RYR1: variants seen among roughly 807,000 people sequenced by gnomAD.
The protein encoded by RYR1 is central core disease of muscle.
In RYR1, 342 loss-of-function variants were observed where a neutral mutation model predicts 583.5. The ratio of observed to expected loss-of-function variants is 0.59; its 90% CI spans 0.54 to 0.64. RYR1 has a LOEUF of 0.64. Ranked by LOEUF, RYR1 falls within the 30% of genes least tolerant of loss-of-function variation. RYR1 has a pLI of 0.00. For missense variants in RYR1, 6,032 were observed against 6,917.2 expected, an observed-to-expected ratio of 0.87 and a Z score of 4.54; for synonymous variants, 2,791 against 2,822.5, an observed-to-expected ratio of 0.99 and a Z score of 0.35.
intron 66 of RYR1, 28 bp from the exon 67 acceptor site, chr19:38,519,186 G>A: frequency 1.2e-6 from 2 of 1,613,980 alleles, no homozygotes; most frequent in Non-Finnish European, 1.7e-6. Context: ...GGCCGGAGGT[G>A]GCATCAGAGC....
In RYR1 at chr19:38,446,495, C is replaced by T; in HGVS notation, c.655C>T (p.Leu219Phe). Reference protein sequence around the residue: ...EEGFVTGGHVLRLFHGHMDEC... With the variant: ...EEGFVTGGHVFRLFHGHMDEC... ...AGGCTTCGTGACGGGAGGTCACGTCCTCCGCCTCTTTCATGGACATATGGA... is the reference window on the plus strand; with the variant it reads ...AGGCTTCGTGACGGGAGGTCACGTCTTCCGCCTCTTTCATGGACATATGGA... The change falls in exon 8 of 106, where the codon CTC (leucine) becomes TTC (phenylalanine). Residue 219 changes from leucine (L) to phenylalanine (F), a missense_variant. Leu to Phe is a conservative substitution (Grantham distance 22, BLOSUM62 0). Around this residue, in one of 11 missense-constraint regions of RYR1, gnomAD observed 338 missense variants for 441.6 expected, o/e 0.77. Transcript: ENST00000359596. The T allele has an allele frequency of 6.2e-7, 1 of 1,614,150 alleles. No individual in the cohort carries two copies. The highest frequency in any genetic ancestry group is 8.5e-7 in the Non-Finnish European group (1 of 1,179,990).
chr19:38,511,777 C>G (rs1380181319), intron 61 of RYR1, among the ~76,000 whole-genome samples, 167 bp downstream of exon 61: 1 of 152,126 alleles, frequency 6.6e-6, no homozygotes, highest in Non-Finnish European at 1.5e-5. Context: ...ACTGAGATGC[C>G]CTGGGCCTGC....
intron 27 of RYR1, among the ~76,000 whole-genome samples, chr19:38,469,896 G>A (rs1358017723): frequency 6.6e-6 from 1 of 150,492 alleles, no homozygotes; most frequent in African/African-American, 2.5e-5. Context: ...GGGAGACCCC[G>A]TCTCTACAAA....
At chr19:38,478,985 C>T (rs1412478581) in intron 31 of RYR1, among the ~76,000 whole-genome samples, 2 of 152,164 alleles carry the variant, frequency 1.3e-5, no homozygotes, top group African/African-American at 2.4e-5. Context: ...CCAGGCTGGT[C>T]TCAAATTCCT....
rs748395946 is a variant in RYR1, at chr19:38,543,471, C to T, written c.11778+36C>T. 7.4e-6 allele frequency: 12 copies of T among 1,614,032 alleles called. No individual in the cohort carries two copies. The Admixed American group carries it at 8.3e-5, about 11-fold the overall frequency. The stretch of plus-strand genomic sequence containing the variant: ...GAGACGGTTCAGGTGTGACTTGGGT[C>T]GGGGGCTGCAGGGCCATGGTCGGCC... On this transcript the variant is annotated intron_variant, in intron 85 of 105. Transcript: ENST00000359596. This position sits in a 1 kb window ranked among gnomAD's most constrained non-coding sequence, Gnocchi z 4.4.
chr19:38,439,009 G>A (rs1235576834), intron 1 of RYR1, among the ~76,000 whole-genome samples: 1 of 151,966 alleles, frequency 6.6e-6, no homozygotes, highest in Non-Finnish European at 1.5e-5. Flanking sequence ...ACCGCGTCCA[G>A]CCAAGGCAGG....
In RYR1 at chr19:38,504,798, T is replaced by C. The variant is rs2960340; in HGVS notation, c.8118T>C (p.Ile2706=). 0.28 allele frequency: 455,962 copies of C among 1,613,646 alleles called. 68,870 individuals are homozygous for C. Among genetic ancestry groups the C allele is most frequent in the African/African-American group, 0.46 (34,540 of 74,842 alleles). The part of the protein sequence containing the change: ...YRMAMPCLCA[I]AGALPPDYVD... Reference sequence around the variant, plus strand: ...TGGCCATGCCTTGTCTGTGCGCCATTGCCGGGGCTCTGCCCCCCGACTATG... The same window carrying C: ...TGGCCATGCCTTGTCTGTGCGCCATCGCCGGGGCTCTGCCCCCCGACTATG... Residue 2706 remains isoleucine (I), a synonymous_variant, in exon 51 of 106, where the codon ATT becomes ATC. Transcript: ENST00000359596.
intron 49 of RYR1, 50 bp downstream of exon 49, chr19:38,503,020 TTTGCTC>T: frequency 6.3e-7 from 1 of 1,577,354 alleles, no homozygotes; most frequent in African/African-American, 1.3e-5. Context: ...CACCCACTGG[TTTGCTC>T]TTCCCTCCTA....
At chr19:38,552,357 C>T (rs543505761) in intron 89 of RYR1, among the ~76,000 whole-genome samples, 1 of 151,746 alleles carries the variant, frequency 6.6e-6, no homozygotes, top group Non-Finnish European at 1.5e-5. Context: ...TGGGTTCAAG[C>T]GATTCTTCTG....
At position 38,561,057 on chromosome 19, in the gene RYR1, AG is replaced by A. The variant is rs1328165603; in HGVS notation, c.12283-55del. On this transcript the variant is annotated intron_variant, in intron 89 of 105. Transcript: ENST00000359596. This position sits in a 1 kb window ranked among gnomAD's most constrained non-coding sequence, Gnocchi z 4.8. ...CCTTGTCTTAAAAAAAAAAAAAAAA[AG>A]AGAGAGAATTGAGGCTCTCCAGGTC... is the stretch of plus-strand genomic sequence containing the variant. 1.4e-4 allele frequency: 191 copies of A among 1,356,920 alleles called. No homozygotes were observed. The highest frequency in any genetic ancestry group is 2.3e-4 in the African/African-American group (15 of 64,008). 84.1% of individuals were successfully genotyped at this position (1,356,920 alleles called of 1,614,324 possible).
At chr19:38,575,667 G>C (rs1364112430) in intron 96 of RYR1, among the ~76,000 whole-genome samples, 1 of 152,216 alleles carries the variant, frequency 6.6e-6, no homozygotes, top group Non-Finnish European at 1.5e-5. Context: ...GCCGGGCGTG[G>C]TGGTGGGCGC....
chr19:38,466,489 A>C, intron 24 of RYR1, 91 bp downstream of exon 24: 3 of 1,207,626 alleles, frequency 2.5e-6, no homozygotes, highest in Non-Finnish European at 3.5e-6. Flanking sequence ...TCAGCCCCCA[A>C]ATGGGCTATA....
At chr19:38,492,669 G>C (rs747929827) in intron 38 of RYR1, 33 bp downstream of exon 38, 1 of 1,549,868 alleles carries the variant, frequency 6.5e-7, no homozygotes. Flanking sequence ...AGAGGGCAGG[G>C]GTGGGGTGGG....
chr19:38,457,714 C>T, intron 17 of RYR1, 84 bp downstream of exon 17: 1 of 1,440,842 alleles, frequency 6.9e-7, no homozygotes, highest in African/African-American at 1.4e-5. Context: ...AGATGGATGT[C>T]CTTTCCTTAA....
At position 38,483,237 on chromosome 19, in the gene RYR1, G is replaced by T. The variant is rs1289048323; in HGVS notation, c.4708-53G>T. 6.3e-7 allele frequency: 1 copy of T among 1,577,938 alleles called. No individual in the cohort carries two copies. Among genetic ancestry groups the T allele is most frequent in the Non-Finnish European group, 8.6e-7 (1 of 1,159,706 alleles). ...AAGAGGTCTCCCTGGAAGTGGTGTG[G>T]TGGGACAGAGGGGGCTGGCCATCTT... On this transcript the variant is annotated intron_variant, in intron 32 of 105. Coordinates refer to ENST00000359596, the MANE Select transcript of RYR1 (RefSeq NM_000540.3). This position sits in a 1 kb window ranked among gnomAD's most constrained non-coding sequence, Gnocchi z 6.3.
At position 38,473,744 on chromosome 19, in the gene RYR1, C is replaced by A. The variant is rs1412180335; in HGVS notation, c.4133C>A (p.Ala1378Asp). 2 of 1,540,530 alleles carry A rather than the reference C, an allele frequency of 1.3e-6. No individual in the cohort carries two copies. The highest frequency in any genetic ancestry group is 2.4e-5 in the South Asian group (2 of 83,718). Reference sequence around the variant, plus strand: ...GCCAGGGCGGAGAATGAGAAGGATGCCACCACCGAGAAGAACAAGAAGAGA... The same window carrying A: ...GCCAGGGCGGAGAATGAGAAGGATGACACCACCGAGAAGAACAAGAAGAGA... Reference protein sequence around the residue: ...QPARAENEKDATTEKNKKRGF... With the variant: ...QPARAENEKDDTTEKNKKRGF... Residue 1378 changes from alanine (A) to aspartate (D), a missense_variant, in exon 28 of 106, where the codon GCC (alanine) becomes GAC (aspartate). By Grantham distance (126) the Ala-to-Asp change is moderately radical. Transcript: ENST00000359596.
At chr19:38,489,029 G>T (rs924426177) in intron 34 of RYR1, 148 bp from the exon 35 acceptor site, 9 of 761,728 alleles carry the variant, frequency 1.2e-5, no homozygotes, top group African/African-American at 1.0e-4. Context: ...GCAAGGCGGG[G>T]GATGCCATTC....
At chr19:38,465,020 G>A (rs532182509) in intron 23 of RYR1, among the ~76,000 whole-genome samples, 2 of 152,246 alleles carry the variant, frequency 1.3e-5, no homozygotes, top group East Asian at 1.9e-4. Context: ...TAAGGGGTAA[G>A]GGGCCAATGG....
At chr19:38,537,150 G>T (rs1025047198) in intron 83 of RYR1, 2 of 310,972 alleles carry the variant, frequency 6.4e-6, no homozygotes, top group Non-Finnish European at 1.2e-5. Flanking sequence ...TCTGCACCCC[G>T]ACCTCAGATT....
Sources: allele counts gnomAD v4.1 joint callset (sites outside exome capture counted in the v4.1 genomes callset), GRCh38; gene constraint gnomAD v4.1.1; regional missense constraint gnomAD v4.1.1; non-coding constraint Gnocchi (gnomAD v3.1); transcripts MANE v1.5; gene names NCBI Gene and HGNC (gene_info 2026-07-23, HGNC 2026-07-21).